The following GRM5 variants were observed in gnomAD, a reference collection of about 807,000 sequenced individuals.
The protein encoded by GRM5 is glutamate metabotropic receptor 5.
In GRM5, 19 loss-of-function variants were observed where a neutral mutation model predicts 83.1. The observed-to-expected ratio is 0.23, with a 90% confidence interval of 0.16 to 0.34. The LOEUF (loss-of-function observed/expected upper bound fraction) is 0.34. Among genes scored for constraint, GRM5 ranks in the 10% least tolerant of loss-of-function variants. GRM5 has a pLI of 1.00. For synonymous variants in GRM5, 675 were observed against 633.6 expected (o/e 1.07, Z -0.98); for missense variants, 1,160 against 1,588.3 (o/e 0.73, Z 4.58).
intron 9 of GRM5, among the ~76,000 whole-genome samples, chr11:88,517,988 G>C (rs1941568876): frequency 6.6e-6 from 1 of 151,932 alleles, no homozygotes; most frequent in Non-Finnish European, 1.5e-5. Flanking sequence ...CTCACACAAG[G>C]CTTTGACCAG....
rs1434828025 is a variant in GRM5 at position 88,607,798 on chromosome 11, T to C, written c.1148-2834A>G. 2.6e-5 allele frequency among the ~76,000 whole-genome samples: 4 copies of C among 152,348 alleles called. No individual in the cohort carries two copies. In the East Asian group the frequency reaches 5.8e-4, roughly 22 times the overall value. On this transcript the variant is annotated intron_variant, in intron 4 of 9. Coordinates refer to ENST00000305447, the MANE Select transcript of GRM5 (RefSeq NM_001143831.3). ...TAATTGCTGTGTCTTCTGCCTAGAATGTTCTGCCCACAAGATTTGTGCAGG... is the reference window on the plus strand; with the variant it reads ...TAATTGCTGTGTCTTCTGCCTAGAACGTTCTGCCCACAAGATTTGTGCAGG...
intron 3 of GRM5, among the ~76,000 whole-genome samples, chr11:88,754,787 G>A (rs1942362986): frequency 6.6e-6 from 1 of 151,990 alleles, no homozygotes; most frequent in Non-Finnish European, 1.5e-5. Flanking sequence ...TCAAAGATGG[G>A]GAAACTCAAA....
Position 88,568,828 on chromosome 11 carries a change from T to A in GRM5, c.1691-836A>T, listed in dbSNP as rs563327394. Among the ~76,000 whole-genome samples the A allele has an allele frequency of 6.7e-4, 102 of 152,240 alleles. 1 individual carries two copies. The highest frequency in any genetic ancestry group is 3.4e-3 in the Middle Eastern group (1 of 294). ...CTTGTGGTCTAGATGTTTTAGAAGA[T>A]TCTGTTAAAAAAAGGAGGAAGTTCA... is the stretch of plus-strand genomic sequence containing the variant. On this transcript the variant is annotated intron_variant, in intron 7 of 9. Coordinates refer to ENST00000305447, the MANE Select transcript of GRM5 (RefSeq NM_001143831.3).
chr11:88,819,445 A>G (rs765005854), intron 3 of GRM5, among the ~76,000 whole-genome samples: 4 of 152,232 alleles, frequency 2.6e-5, no homozygotes, highest in Non-Finnish European at 5.9e-5. Context: ...TAATTCATCT[A>G]AACTCACATA....
intron 2 of GRM5, among the ~76,000 whole-genome samples, chr11:88,860,843 C>T (rs1311278336): frequency 1.3e-5 from 2 of 152,152 alleles, no homozygotes; most frequent in Admixed American, 6.6e-5. Context: ...GGTAACTATG[C>T]TGTGTTCAGG....
At chr11:88,806,919 A>G (rs1046756176) in intron 3 of GRM5, among the ~76,000 whole-genome samples, 2 of 152,318 alleles carry the variant, frequency 1.3e-5, no homozygotes, top group South Asian at 4.1e-4. Context: ...CTTAAATTTT[A>G]AAAGAGAACT....
At chr11:88,605,258 T>A (rs1370915186) in intron 4 of GRM5, among the ~76,000 whole-genome samples, 2 of 152,132 alleles carry the variant, frequency 1.3e-5, no homozygotes, top group South Asian at 4.2e-4. Flanking sequence ...GAACTGTATT[T>A]CTGTACCATA....
intron 8 of GRM5, among the ~76,000 whole-genome samples, chr11:88,565,480 C>G (rs953571718): frequency 6.6e-6 from 1 of 152,204 alleles, no homozygotes; most frequent in African/African-American, 2.4e-5. Flanking sequence ...CTCACAATTC[C>G]CTTCCTCCAT....
chr11:88,778,741 C>A (rs1942913494), intron 3 of GRM5, among the ~76,000 whole-genome samples: 1 of 152,272 alleles, frequency 6.6e-6, no homozygotes, highest in South Asian at 2.1e-4. Flanking sequence ...GCCCAGAGAA[C>A]TTATGATCAG....
rs573106220 is a variant in GRM5 at position 88,523,189 on chromosome 11, T to A, written c.2726+2120A>T. Among the ~76,000 whole-genome samples, 3 of 152,330 alleles carry A rather than the reference T, an allele frequency of 2.0e-5. No homozygotes were observed. In the South Asian group the frequency reaches 6.2e-4, roughly 32 times the overall value. On this transcript the variant is annotated intron_variant, in intron 9 of 9. Transcript: ENST00000305447. ...CATCTCCTACATGAATGGATTACTC[T>A]AAAATATCAGTTCATGCACTGGCTT...
chr11:88,794,577 G>A (rs1465665669), intron 3 of GRM5, among the ~76,000 whole-genome samples: 1 of 152,182 alleles, frequency 6.6e-6, no homozygotes, highest in African/African-American at 2.4e-5. Flanking sequence ...ATCTATTCCA[G>A]TTGACATGTT....
intron 3 of GRM5, among the ~76,000 whole-genome samples, chr11:88,698,949 C>T (rs1449453728): frequency 6.6e-6 from 1 of 152,152 alleles, no homozygotes; most frequent in Non-Finnish European, 1.5e-5. Context: ...ATGCCCTTTC[C>T]ATCTGCTCTC....
chr11:88,968,255 T>C (rs965716334), intron 2 of GRM5, among the ~76,000 whole-genome samples: 1 of 151,944 alleles, frequency 6.6e-6, no homozygotes, highest in Non-Finnish European at 1.5e-5. Context: ...AAAGATGGAG[T>C]TACAAAAGAG....
intron 3 of GRM5, among the ~76,000 whole-genome samples, chr11:88,684,262 T>C (rs1940565973): frequency 1.3e-5 from 2 of 152,230 alleles, no homozygotes; most frequent in African/African-American, 2.4e-5. Context: ...AAATATGATA[T>C]GAAACCATTG....
At chr11:88,850,852 A>T (rs568866864) in intron 2 of GRM5, among the ~76,000 whole-genome samples, 52 of 144,414 alleles carry the variant, frequency 3.6e-4, no homozygotes, top group Non-Finnish European at 4.8e-4. Flanking sequence ...GACTAAGGAC[A>T]AATGTTAGTC....
chr11:88,862,103 C>T (rs1277951394), intron 2 of GRM5, among the ~76,000 whole-genome samples: 1 of 152,164 alleles, frequency 6.6e-6, no homozygotes, highest in East Asian at 1.9e-4. Flanking sequence ...AAGCACTAAA[C>T]TGGGCTAAGA....
chr11:88,721,436 AG>A (rs1941537220), intron 3 of GRM5, among the ~76,000 whole-genome samples: 1 of 152,118 alleles, frequency 6.6e-6, no homozygotes, highest in Non-Finnish European at 1.5e-5. Flanking sequence ...ACTGTACAAA[AG>A]TTAGACCACT....
chr11:88,925,652 C>G (rs1489958409), intron 2 of GRM5: 2 of 426,284 alleles, frequency 4.7e-6, no homozygotes, highest in Non-Finnish European at 9.4e-6. Flanking sequence ...TGGCTCATGC[C>G]CATAATCCCA....
intron 4 of GRM5, among the ~76,000 whole-genome samples, chr11:88,609,181 A>T (rs1477978459): frequency 6.6e-6 from 1 of 152,100 alleles, no homozygotes; most frequent in Non-Finnish European, 1.5e-5. Flanking sequence ...AGTGTCTGTT[A>T]TTTCCATATT....
Sources: allele counts gnomAD v4.1 joint callset (sites outside exome capture counted in the v4.1 genomes callset), GRCh38; gene constraint gnomAD v4.1.1; transcripts MANE v1.5; gene names NCBI Gene and HGNC (gene_info 2026-07-23, HGNC 2026-07-21).